Variants in BLM observed in about 807,000 individuals in gnomAD.
The protein encoded by BLM is BLM RecQ like helicase.
A neutral mutation model predicts 135.3 loss-of-function variants in BLM; 95 were observed. The observed-to-expected ratio is 0.70, with a 90% confidence interval of 0.59 to 0.83. The LOEUF is 0.83. Ranked by LOEUF, BLM falls within the 40% of genes least tolerant of loss-of-function variation. The pLI, the probability that BLM is intolerant of heterozygous loss-of-function variation, is 0.00. For synonymous variants in BLM, 520 were observed against 589.2 expected, an observed-to-expected ratio of 0.88 and a Z score of 1.70; for missense variants, 1,518 against 1,663.9, an observed-to-expected ratio of 0.91 and a Z score of 1.53.
At chr15:90,744,741 A>T (rs1273889540) in intron 1 of BLM, among the ~76,000 whole-genome samples, 1 of 151,934 alleles carries the variant, frequency 6.6e-6, no homozygotes, top group African/African-American at 2.4e-5. Flanking sequence ...AGGTCTTAAA[A>T]TATTCTCCAT....
rs1384318181 is a variant in BLM, at chr15:90,804,226, A to G, written c.3618A>G (p.Ala1206=). The G allele has an allele frequency of 6.2e-7, 1 of 1,614,110 alleles. No homozygotes were observed. Among genetic ancestry groups the G allele is most frequent in the Non-Finnish European group, 8.5e-7 (1 of 1,180,028 alleles). The change falls in exon 19 of 22, where the codon GCA becomes GCG. Residue 1206 remains alanine (A), a synonymous_variant. Coordinates refer to ENST00000355112, the MANE Select transcript of BLM (RefSeq NM_000057.4). ...SSVKKQKALV[A]KVSQREEMVK... ...TGAAAAAACAAAAAGCGTTAGTAGCAAAAGTGTCTCAGAGGGAAGAGATGG... is the reference window on the plus strand; with the variant it reads ...TGAAAAAACAAAAAGCGTTAGTAGCGAAAGTGTCTCAGAGGGAAGAGATGG...
At chr15:90,766,414 T>G (rs1438179966) in intron 9 of BLM, among the ~76,000 whole-genome samples, 1 of 152,042 alleles carries the variant, frequency 6.6e-6, no homozygotes, top group Non-Finnish European at 1.5e-5. Flanking sequence ...CCATTTTGTG[T>G]TATGCTTTTT....
intron 14 of BLM, among the ~76,000 whole-genome samples, chr15:90,789,987 G>GGTTTTTTTTT: frequency 1.7e-5 from 1 of 57,378 alleles, no homozygotes; most frequent in East Asian, 7.1e-4. Flanking sequence ...AGTCCCTGGT[G>GGTTTTTTTTT]TTTTTTTTTT....
intron 12 of BLM, among the ~76,000 whole-genome samples, chr15:90,782,392 AAAAACAAAAC>A (rs1004553540): frequency 6.6e-6 from 1 of 151,918 alleles, no homozygotes; most frequent in South Asian, 2.1e-4. Context: ...TGTCTCAAAA[AAAAACAAAAC>A]AAAACAAAAC....
At chr15:90,717,524 C>T (rs1477489465) in intron 1 of BLM, 84 bp downstream of exon 1, 1 of 152,790 alleles carries the variant, frequency 6.5e-6, no homozygotes, top group Non-Finnish European at 1.5e-5. Context: ...GGAGGCCGCT[C>T]GGGTTCTTCC....
intron 17 of BLM, among the ~76,000 whole-genome samples, chr15:90,801,057 A>G (rs113712978): frequency 0.15 from 23,336 of 151,938 alleles, 1,908 homozygotes; most frequent in Non-Finnish European, 0.19. Flanking sequence ...GCCGAGGCAG[A>G]AGAATCACTT....
At chr15:90,801,216 G>T (rs1237758008) in intron 17 of BLM, among the ~76,000 whole-genome samples, 1 of 151,854 alleles carries the variant, frequency 6.6e-6, no homozygotes, top group Non-Finnish European at 1.5e-5. Context: ...CATTTGACAT[G>T]ATGGGTAAAC....
intron 3 of BLM, among the ~76,000 whole-genome samples, 165 bp downstream of exon 3, chr15:90,750,232 G>A (rs1895645906): frequency 6.6e-6 from 1 of 152,092 alleles, no homozygotes; most frequent in Non-Finnish European, 1.5e-5. Context: ...GAGGCAGGAC[G>A]TACTGATGAA....
chr15:90,800,393 C>T (rs1471223188), intron 17 of BLM, among the ~76,000 whole-genome samples: 1 of 152,164 alleles, frequency 6.6e-6, no homozygotes, highest in Non-Finnish European at 1.5e-5. Flanking sequence ...TAACAAAAGT[C>T]AGGAGGAGGC....
chr15:90,803,608 T>A lies in BLM; in HGVS notation c.3446T>A (p.Leu1149Gln). The A allele has an allele frequency of 6.2e-7, 1 of 1,614,126 alleles. No homozygotes were observed. The highest frequency in any genetic ancestry group is 8.5e-7 in the Non-Finnish European group (1 of 1,179,972). The change falls in exon 18 of 22, where the codon CTG (leucine) becomes CAG (glutamine). Residue 1149 changes from leucine to glutamine, a missense_variant. Physicochemically the swap from Leu to Gln is moderately radical, Grantham distance 113. This residue lies in a region of BLM where 626 missense variants were observed against 681.1 expected (regional missense o/e 0.92). Transcript: ENST00000355112. ...AATGCCGAAAGACTTTTTAAAAAGC[T>A]GATACTTGACAAGATTTTGGATGAA... ...RHNAERLFKK[L>Q]ILDKILDEDL...
At chr15:90,794,946 A>T (rs1896995614) in intron 16 of BLM, among the ~76,000 whole-genome samples, 1 of 152,086 alleles carries the variant, frequency 6.6e-6, no homozygotes, top group Admixed American at 6.6e-5. Flanking sequence ...CTGTCCTAAA[A>T]TACCCTTGGA....
chr15:90,782,862 G>A lies in BLM; in HGVS notation c.2596G>A (p.Val866Ile), dbSNP rs1316728192. The change falls in exon 13 of 22, where the codon GTA becomes ATA. Residue 866 changes from valine to isoleucine, a missense_variant. Physicochemically the swap from Val to Ile is conservative, Grantham distance 29 (BLOSUM62 3). Transcript: ENST00000355112. ...SFNRHNLKYY[V>I]LPKKPKKVAF... ...TAACAGACATAATCTGAAATACTAT[G>A]TATTACCGAAAAAGCCTAAAAAGGT... The A allele has an allele frequency of 6.2e-7, 1 of 1,613,788 alleles. No homozygotes were observed. Among genetic ancestry groups the A allele is most frequent in the South Asian group, 1.1e-5 (1 of 91,078 alleles).
Position 90,739,614 on chromosome 15 carries a change from C to G in BLM, c.-4-7775C>G, listed in dbSNP as rs1225874821. On this transcript the variant is annotated intron_variant, in intron 1 of 21. Transcript: ENST00000355112. The stretch of plus-strand genomic sequence containing the variant: ...GTGAAATAAGCCAGTCCCGAAAAGG[C>G]AAATACTGTATGATTCCACTTACAG... Among the ~76,000 whole-genome samples, 5 of 152,160 alleles carry G rather than the reference C, an allele frequency of 3.3e-5. 1 individual carries two copies. In the East Asian group the frequency reaches 7.7e-4, roughly 23 times the overall value.
chr15:90,761,421 C>T (rs1430315396), intron 7 of BLM, among the ~76,000 whole-genome samples, 166 bp downstream of exon 7: 1 of 152,174 alleles, frequency 6.6e-6, no homozygotes, highest in Non-Finnish European at 1.5e-5. Context: ...GCAAGTTGCT[C>T]TTTTGTCTCT....
intron 19 of BLM, among the ~76,000 whole-genome samples, chr15:90,805,998 C>T (rs1482827831): frequency 6.6e-5 from 10 of 151,956 alleles, no homozygotes; most frequent in Admixed American, 1.3e-4. Flanking sequence ...TACAGGCATG[C>T]GCCCACCATT....
At chr15:90,771,320 C>G (rs940293491) in intron 12 of BLM, among the ~76,000 whole-genome samples, 3 of 152,090 alleles carry the variant, frequency 2.0e-5, no homozygotes, top group Non-Finnish European at 4.4e-5. Flanking sequence ...TACCCCATCT[C>G]TACTAAAAAT....
chr15:90,731,233 C>T (rs1895061926), intron 1 of BLM, among the ~76,000 whole-genome samples: 1 of 152,132 alleles, frequency 6.6e-6, no homozygotes. Flanking sequence ...GTCATCATGC[C>T]CGTGGCTCTT....
At chr15:90,777,224 T>C (rs1896501605) in intron 12 of BLM, among the ~76,000 whole-genome samples, 1 of 151,972 alleles carries the variant, frequency 6.6e-6, no homozygotes, top group Non-Finnish European at 1.5e-5. Context: ...GTACAGTAGC[T>C]CACCGCAACC....
intron 14 of BLM, among the ~76,000 whole-genome samples, chr15:90,787,580 T>A (rs1020198289): frequency 7.9e-5 from 12 of 152,130 alleles, no homozygotes; most frequent in Non-Finnish European, 1.8e-4. Context: ...CCGAGAAAGA[T>A]ATAAGAAGAC....
Sources: gnomAD v4.1 joint callset for allele counts (sites outside exome capture counted in the v4.1 genomes callset) on GRCh38, gnomAD v4.1.1 for gene constraint, gnomAD v4.1.1 regional missense constraint, MANE v1.5 for transcripts, NCBI Gene and HGNC (gene_info 2026-07-23, HGNC 2026-07-21) for gene names.